The following ACOT7 variants were observed in gnomAD, a reference collection of about 807,000 sequenced individuals.
The protein encoded by ACOT7 is cytosolic acyl coenzyme A thioester hydrolase.
A neutral mutation model predicts 40.2 loss-of-function variants in ACOT7; 12 were observed. That is an observed-to-expected ratio of 0.30 (90% CI 0.19 to 0.48). The LOEUF is 0.48. Among genes scored for constraint, ACOT7 ranks in the 20% least tolerant of loss-of-function variants. The pLI is 0.99. For missense variants in ACOT7, 395 were observed against 530.8 expected (o/e 0.74, Z 2.51); for synonymous variants, 228 against 219.5 (o/e 1.04, Z -0.34).
chr1:6,351,287 AG>A (rs1641583854), intron 1 of ACOT7, among the ~76,000 whole-genome samples: 1 of 152,248 alleles, frequency 6.6e-6, no homozygotes. Context: ...TGGGAGGCTC[AG>A]GGACAGTTGC....
Position 6,330,071 on chromosome 1 carries a change from G to C in ACOT7, c.511-2658C>G. The stretch of plus-strand genomic sequence containing the variant: ...GGAAACCAGTGTGTGTGTGTGGTGT[G>C]TGTGTGTGTGTGCGTGTTCAAGATA... On this transcript the variant is annotated intron_variant, in intron 4 of 8. Coordinates refer to ENST00000361521, the MANE Select transcript of ACOT7 (RefSeq NM_007274.4). This position sits in a 1 kb window ranked among gnomAD's most constrained non-coding sequence, Gnocchi z 4.6. Among the ~76,000 whole-genome samples the C allele has an allele frequency of 6.6e-6, 1 of 152,198 alleles. No homozygotes were observed. The highest frequency in any genetic ancestry group is 1.9e-4 in the East Asian group (1 of 5,198).
At chr1:6,295,197 T>C in intron 6 of ACOT7, 4 of 481,338 alleles carry the variant, frequency 8.3e-6, no homozygotes, top group East Asian at 3.5e-5. Flanking sequence ...ATGGCTGATA[T>C]GCCAAGCCAC....
chr1:6,277,438 T>C (rs1040293098), intron 8 of ACOT7, among the ~76,000 whole-genome samples: 5 of 152,174 alleles, frequency 3.3e-5, no homozygotes, highest in African/African-American at 1.2e-4. Context: ...CAACCTGCAC[T>C]GAAGCCTGTT....
intron 6 of ACOT7, among the ~76,000 whole-genome samples, chr1:6,303,822 C>T (rs1344815563): frequency 6.6e-6 from 1 of 152,108 alleles, no homozygotes; most frequent in African/African-American, 2.4e-5. Flanking sequence ...AAGTGGTTCC[C>T]GGACGTCTGG....
rs529992197 is a variant in ACOT7 at position 6,379,895 on chromosome 1, T to C, written c.143+13362A>G. Among the ~76,000 whole-genome samples the C allele has an allele frequency of 4.2e-4, 64 of 151,392 alleles. 2 individuals are homozygous for C. The highest frequency in any genetic ancestry group is 7.8e-4 in the Non-Finnish European group (53 of 67,776). ...GGCCAACGTGTTGAAACTCTGTCTCTGCTGGAAAAAAAATACAAAAATTAG... is the reference window on the plus strand; with the variant it reads ...GGCCAACGTGTTGAAACTCTGTCTCCGCTGGAAAAAAAATACAAAAATTAG... On this transcript the variant is annotated intron_variant, in intron 1 of 8. Transcript: ENST00000361521.
At chr1:6,295,130 G>A (rs1456777137) in intron 6 of ACOT7, 150 bp from the exon 7 acceptor site, 12 of 565,034 alleles carry the variant, frequency 2.1e-5, no homozygotes, top group East Asian at 3.0e-5. Flanking sequence ...TCGGCCGCAC[G>A]TGCTGTGGCT....
chr1:6,364,945 C>T (rs1015535913), intron 1 of ACOT7, among the ~76,000 whole-genome samples: 2 of 151,234 alleles, frequency 1.3e-5, no homozygotes, highest in Non-Finnish European at 2.9e-5. Context: ...ATCGCTTAAA[C>T]CCGGGAGGCA....
intron 1 of ACOT7, among the ~76,000 whole-genome samples, chr1:6,370,150 A>G (rs1571348603): frequency 6.6e-6 from 1 of 151,696 alleles, no homozygotes; most frequent in Admixed American, 6.6e-5. Context: ...GGAGCCTGGC[A>G]CCTCCCTTCT....
chr1:6,393,091 C>T (rs1178570973), intron 1 of ACOT7, among the ~76,000 whole-genome samples, 166 bp downstream of exon 1: 2 of 150,446 alleles, frequency 1.3e-5, no homozygotes, highest in African/African-American at 4.9e-5. Context: ...TCGCGAGTCG[C>T]ATCCCGGCCG....
intron 1 of ACOT7, among the ~76,000 whole-genome samples, chr1:6,387,790 C>T (rs1015669374): frequency 1.3e-5 from 2 of 152,326 alleles, no homozygotes; most frequent in Admixed American, 6.5e-5. Context: ...GGCCTCCCCA[C>T]GCACAGGCTC....
chr1:6,388,488 C>T (rs1278492938), intron 1 of ACOT7, among the ~76,000 whole-genome samples: 2 of 151,502 alleles, frequency 1.3e-5, no homozygotes, highest in Non-Finnish European at 2.9e-5. Flanking sequence ...CCTGTAATTC[C>T]AGCACTTTGG....
Position 6,337,510 on chromosome 1 carries a change from T to C in ACOT7, c.418+1923A>G, listed in dbSNP as rs78528449. Among the ~76,000 whole-genome samples the C allele has an allele frequency of 2.2e-3, 328 of 152,330 alleles. 11 individuals carry two copies. The East Asian group carries it at 0.06, about 28-fold the overall frequency. On this transcript the variant is annotated intron_variant, in intron 3 of 8. Transcript: ENST00000361521. ...CATCCACTATCGGTTCCATATCTATTATGGGCCAGCAGAAGCGGCCAGGAA... is the reference window on the plus strand; with the variant it reads ...CATCCACTATCGGTTCCATATCTATCATGGGCCAGCAGAAGCGGCCAGGAA...
At chr1:6,285,684 G>A (rs542857324) in intron 7 of ACOT7, among the ~76,000 whole-genome samples, 12 of 152,310 alleles carry the variant, frequency 7.9e-5, no homozygotes, top group Admixed American at 5.2e-4. Context: ...GGTGGCTCTC[G>A]GGAGCCCTGA....
rs1035181971 is a variant in ACOT7, at chr1:6,288,072, GA to G, written c.830-6787del. Among the ~76,000 whole-genome samples the G allele has an allele frequency of 5.2e-4, 77 of 148,630 alleles. No homozygotes were observed. Among genetic ancestry groups the G allele is most frequent in the African/African-American group, 1.1e-3 (46 of 40,628 alleles). On this transcript the variant is annotated intron_variant, in intron 7 of 8. Coordinates refer to ENST00000361521, the MANE Select transcript of ACOT7 (RefSeq NM_007274.4). The surrounding 1 kb of genome is among the most constrained non-coding windows in gnomAD (Gnocchi z 4.3). ...CTCTGGACATTTTAATGTCTCAACT[GA>G]AAAAAAAAAATCCACACAGCAAGTG...
At chr1:6,265,471 TGGACCCCAG>T (rs1373106985) in intron 8 of ACOT7, among the ~76,000 whole-genome samples, 2 of 152,202 alleles carry the variant, frequency 1.3e-5, no homozygotes, top group African/African-American at 4.8e-5. Context: ...GGCGGCACCT[TGGACCCCAG>T]GGACCCCATC....
At chr1:6,362,190 G>A (rs1227311925) in intron 1 of ACOT7, among the ~76,000 whole-genome samples, 4 of 152,212 alleles carry the variant, frequency 2.6e-5, no homozygotes, top group Non-Finnish European at 5.9e-5. Flanking sequence ...CAGCACTTTG[G>A]GAGGCCAAGG....
chr1:6,279,074 G>T (rs550599595), intron 8 of ACOT7, among the ~76,000 whole-genome samples: 1 of 151,752 alleles, frequency 6.6e-6, no homozygotes, highest in Non-Finnish European at 1.5e-5. Flanking sequence ...TCCATGGGGA[G>T]AGACCAGAGC....
rs560227686 is a variant in ACOT7, at chr1:6,383,790, C to T, written c.143+9467G>A. ...CACGATCTTGGCTCACTGTAAGCTC[C>T]GCCTCCCGGGTTCAAGCCATTCTCC... is the stretch of plus-strand genomic sequence containing the variant. On this transcript the variant is annotated intron_variant, in intron 1 of 8. Coordinates refer to ENST00000361521, the MANE Select transcript of ACOT7 (RefSeq NM_007274.4). Among the ~76,000 whole-genome samples, 38 of 151,582 alleles carry T rather than the reference C, an allele frequency of 2.5e-4. 1 individual carries two copies. Among genetic ancestry groups the T allele is most frequent in the Non-Finnish European group, 4.9e-4 (33 of 67,834 alleles).
rs147195478 is a variant in ACOT7, at chr1:6,327,449, G to A, written c.511-36C>T. On this transcript the variant is annotated intron_variant, in intron 4 of 8. Transcript: ENST00000361521. ...CCAAAGACAGGTCAGGCCCAGGCAGGACACGGCCTCCTCCCCTCGCTGGGC... is the reference window on the plus strand; with the variant it reads ...CCAAAGACAGGTCAGGCCCAGGCAGAACACGGCCTCCTCCCCTCGCTGGGC... 231 of 1,604,318 alleles carry A rather than the reference G, an allele frequency of 1.4e-4. 2 individuals carry two copies. The East Asian group carries it at 4.8e-3, about 33-fold the overall frequency.
Sources: gnomAD v4.1 joint callset for allele counts (sites outside exome capture counted in the v4.1 genomes callset) on GRCh38, gnomAD v4.1.1 for gene constraint, Gnocchi (gnomAD v3.1) non-coding constraint, MANE v1.5 for transcripts, NCBI Gene and HGNC (gene_info 2026-07-23, HGNC 2026-07-21) for gene names.